Variants in GRM3 observed in about 807,000 individuals in gnomAD.
The protein encoded by GRM3 is glutamate metabotropic receptor 3.
Under a neutral mutation model 70.5 loss-of-function variants are expected in GRM3, and 26 were observed. The observed-to-expected ratio is 0.37, with a 90% CI of 0.27 to 0.51. The LOEUF is 0.51. Ranked by LOEUF, GRM3 falls within the 20% of genes least tolerant of loss-of-function variation. The pLI is 0.93. For missense variants in GRM3, 859 were observed against 1,123.8 expected (o/e 0.76, Z 3.37); for synonymous variants, 443 against 434.9 (o/e 1.02, Z -0.23).
At chr7:86,646,544 C>A (rs761998973) in intron 1 of GRM3, among the ~76,000 whole-genome samples, 1 of 151,994 alleles carries the variant, frequency 6.6e-6, no homozygotes, top group South Asian at 2.1e-4. Flanking sequence ...GAATATCTAC[C>A]TTTATTAGAT....
intron 5 of GRM3, among the ~76,000 whole-genome samples, chr7:86,856,768 T>A (rs1798857785): frequency 1.3e-5 from 2 of 152,272 alleles, no homozygotes; most frequent in African/African-American, 4.8e-5. Flanking sequence ...AACACTTTCA[T>A]TGTGTTTGTC....
At chr7:86,720,027 A>C (rs1335491433) in intron 1 of GRM3, among the ~76,000 whole-genome samples, 3 of 152,052 alleles carry the variant, frequency 2.0e-5, no homozygotes, top group Admixed American at 2.0e-4. Flanking sequence ...AGGCCACAGG[A>C]ACATCCTACA....
intron 1 of GRM3, among the ~76,000 whole-genome samples, chr7:86,714,881 A>T (rs1167692650): frequency 6.6e-6 from 1 of 152,006 alleles, no homozygotes; most frequent in East Asian, 1.9e-4. Context: ...TTATAAAAAG[A>T]GCTCGATTTA....
intron 5 of GRM3, among the ~76,000 whole-genome samples, chr7:86,851,035 A>G (rs1405198637): frequency 1.3e-5 from 2 of 152,208 alleles, no homozygotes; most frequent in Non-Finnish European, 2.9e-5. Flanking sequence ...GAAAAGTGCT[A>G]CATTCCTAAT....
chr7:86,859,546 AACAG>A (rs1324253986), intron 5 of GRM3, among the ~76,000 whole-genome samples: 5 of 152,086 alleles, frequency 3.3e-5, no homozygotes, highest in Non-Finnish European at 7.4e-5. Flanking sequence ...TATCTAAACA[AACAG>A]ACTTCCTGGG....
intron 1 of GRM3, among the ~76,000 whole-genome samples, chr7:86,682,434 A>T (rs1794462769): frequency 6.6e-6 from 1 of 152,208 alleles, no homozygotes; most frequent in African/African-American, 2.4e-5. Flanking sequence ...AATAAATTAC[A>T]AAGAAAATGA....
At chr7:86,852,404 T>G (rs1237080444) in intron 5 of GRM3, among the ~76,000 whole-genome samples, 1 of 152,132 alleles carries the variant, frequency 6.6e-6, no homozygotes, top group Non-Finnish European at 1.5e-5. Context: ...CCAGAAGGGA[T>G]AGCAAGGGCA....
At chr7:86,664,297 G>A (rs2115859256) in intron 1 of GRM3, among the ~76,000 whole-genome samples, 1 of 151,974 alleles carries the variant, frequency 6.6e-6, no homozygotes, top group Admixed American at 6.6e-5. Flanking sequence ...AATAACAGGT[G>A]AATAAAGAAA....
At chr7:86,691,952 C>T (rs1287148788) in intron 1 of GRM3, among the ~76,000 whole-genome samples, 1 of 152,120 alleles carries the variant, frequency 6.6e-6, no homozygotes, top group Admixed American at 6.6e-5. Context: ...GTCCTACAGG[C>T]AATAAAACTG....
At chr7:86,668,710 G>C (rs1794093365) in intron 1 of GRM3, among the ~76,000 whole-genome samples, 1 of 152,074 alleles carries the variant, frequency 6.6e-6, no homozygotes, top group Non-Finnish European at 1.5e-5. Flanking sequence ...TCCTACCCTG[G>C]AAGATTAACT....
chr7:86,704,543 C>T (rs1381720797), intron 1 of GRM3, among the ~76,000 whole-genome samples: 1 of 151,852 alleles, frequency 6.6e-6, no homozygotes, highest in African/African-American at 2.4e-5. Flanking sequence ...CCACAGACAA[C>T]ATCAAACATT....
At chr7:86,796,892 T>A (rs184363123) in intron 3 of GRM3, among the ~76,000 whole-genome samples, 5 of 152,250 alleles carry the variant, frequency 3.3e-5, no homozygotes, top group African/African-American at 1.2e-4. Flanking sequence ...GTTCTCATGA[T>A]AGGGAATAAG....
chr7:86,839,238 C>T lies in GRM3; in HGVS notation c.1724C>T (p.Ala575Val). Reference sequence around the variant, plus strand: ...GAGGACTACATCAGGTGGGAAGACGCCTGGGCCATTGGCCCAGTCACCATT... The same window carrying T: ...GAGGACTACATCAGGTGGGAAGACGTCTGGGCCATTGGCCCAGTCACCATT... The part of the protein sequence containing the change: ...LPEDYIRWED[A>V]WAIGPVTIAC... The change falls in exon 4 of 6, where the codon GCC becomes GTC. Residue 575 changes from alanine to valine, a missense_variant. Ala to Val is a moderately conservative substitution (Grantham distance 64). Coordinates refer to ENST00000361669, the MANE Select transcript of GRM3 (RefSeq NM_000840.3). This position sits in a 1 kb window ranked among gnomAD's most constrained non-coding sequence, Gnocchi z 4.5. The T allele has an allele frequency of 6.2e-7, 1 of 1,613,774 alleles. No individual in the cohort carries two copies. Among genetic ancestry groups the T allele is most frequent in the Non-Finnish European group, 8.5e-7 (1 of 1,179,638 alleles).
intron 1 of GRM3, among the ~76,000 whole-genome samples, chr7:86,734,141 AG>A (rs1359425951): frequency 6.6e-6 from 1 of 152,212 alleles, no homozygotes; most frequent in Middle Eastern, 3.2e-3. Context: ...AATACCTGAT[AG>A]GCTATAAGGA....
chr7:86,737,868 G>A (rs1215499220), intron 1 of GRM3, among the ~76,000 whole-genome samples: 4 of 152,168 alleles, frequency 2.6e-5, no homozygotes, highest in Non-Finnish European at 5.9e-5. Flanking sequence ...CAATCTATAA[G>A]CTGGCAGACA....
intron 2 of GRM3, among the ~76,000 whole-genome samples, chr7:86,769,122 C>T (rs1562855278): frequency 6.6e-6 from 1 of 152,094 alleles, no homozygotes; most frequent in East Asian, 1.9e-4. Flanking sequence ...ACCTCTGATA[C>T]TCACATGCTC....
At chr7:86,747,197 T>C (rs1796123188) in intron 1 of GRM3, among the ~76,000 whole-genome samples, 1 of 152,102 alleles carries the variant, frequency 6.6e-6, no homozygotes, top group African/African-American at 2.4e-5. Context: ...AGCTGACACA[T>C]CAGCTTTACT....
intron 1 of GRM3, among the ~76,000 whole-genome samples, chr7:86,760,277 A>G (rs1311235317): frequency 1.3e-5 from 2 of 152,138 alleles, no homozygotes; most frequent in African/African-American, 4.8e-5. Flanking sequence ...TATGCAGAGT[A>G]CAGAAATGCT....
intron 1 of GRM3, among the ~76,000 whole-genome samples, chr7:86,673,300 T>A (rs1285326504): frequency 6.6e-6 from 1 of 152,154 alleles, no homozygotes; most frequent in East Asian, 1.9e-4. Context: ...CAAGACATCT[T>A]TCCTCCTGTT....
Sources: gnomAD v4.1 joint callset for allele counts (sites outside exome capture counted in the v4.1 genomes callset) on GRCh38, gnomAD v4.1.1 for gene constraint, Gnocchi (gnomAD v3.1) non-coding constraint, MANE v1.5 for transcripts, NCBI Gene and HGNC (gene_info 2026-07-23, HGNC 2026-07-21) for gene names.